SEC24D: variants seen among roughly 807,000 people sequenced by gnomAD.
SEC24D encodes the protein protein transport protein Sec24D.
SEC24D carries 69 observed loss-of-function variants against 116.9 expected under a neutral mutation model. That is an observed-to-expected ratio of 0.59 (90% CI 0.49 to 0.72). SEC24D has a LOEUF of 0.72. SEC24D is among the 30% of genes least tolerant of loss of function. The pLI, the probability that SEC24D is intolerant of heterozygous loss-of-function variation, is 0.00. For missense variants in SEC24D, 1,131 were observed against 1,264.1 expected (o/e 0.89, Z 1.60); for synonymous variants, 405 against 442.8 (o/e 0.91, Z 1.07).
At chr4:118,828,877 G>A (rs933309445) in intron 2 of SEC24D, among the ~76,000 whole-genome samples, 2 of 152,122 alleles carry the variant, frequency 1.3e-5, no homozygotes, top group Admixed American at 1.3e-4. Context: ...ATCTCTCACC[G>A]TTCCCATGCT....
chr4:118,772,387 T>C (rs1727942535), intron 8 of SEC24D, among the ~76,000 whole-genome samples: 1 of 152,334 alleles, frequency 6.6e-6, no homozygotes, highest in Middle Eastern at 3.4e-3. Context: ...AACTTGCTTT[T>C]CTCAAAGAAA....
At chr4:118,787,518 T>C (rs954661000) in intron 8 of SEC24D, among the ~76,000 whole-genome samples, 8 of 152,212 alleles carry the variant, frequency 5.3e-5, no homozygotes, top group African/African-American at 1.9e-4. Context: ...GTTCTTTTTA[T>C]TTTTAAAGTT....
chr4:118,780,906 G>GATTTTTTTTTTT (rs1728368824), intron 8 of SEC24D, among the ~76,000 whole-genome samples: 4 of 106,108 alleles, frequency 3.8e-5, no homozygotes, highest in Non-Finnish European at 5.8e-5. Context: ...TGCAACCCCT[G>GATTTTTTTTTTT]CTTTTTTTTT....
chr4:118,829,094 C>A (rs1316081608), intron 2 of SEC24D, among the ~76,000 whole-genome samples: 1 of 152,238 alleles, frequency 6.6e-6, no homozygotes, highest in African/African-American at 2.4e-5. Flanking sequence ...TACTTCCCCA[C>A]AAAATTGTCA....
chr4:118,728,127 T>G (rs114511419), intron 22 of SEC24D, among the ~76,000 whole-genome samples: 212 of 152,214 alleles, frequency 1.4e-3, no homozygotes, highest in African/African-American at 5.1e-3. Flanking sequence ...TTACTCAAAC[T>G]CAGAAAAGGC....
chr4:118,785,543 T>C (rs546212022), intron 8 of SEC24D, among the ~76,000 whole-genome samples: 1 of 152,220 alleles, frequency 6.6e-6, no homozygotes, highest in African/African-American at 2.4e-5. Flanking sequence ...AAGGACAGAA[T>C]AGTGTGAAGG....
intron 8 of SEC24D, among the ~76,000 whole-genome samples, chr4:118,782,712 G>A (rs1367250380): frequency 6.6e-6 from 1 of 152,256 alleles, no homozygotes; most frequent in African/African-American, 2.4e-5. Flanking sequence ...CAGAGGTGGA[G>A]TCAACAGAGG....
At chr4:118,822,925 T>C (rs545586847) in intron 3 of SEC24D, among the ~76,000 whole-genome samples, 7 of 152,250 alleles carry the variant, frequency 4.6e-5, no homozygotes, top group Middle Eastern at 3.4e-3. Flanking sequence ...GAGAATTCTA[T>C]ATTCTCATTT....
Position 118,815,728 on chromosome 4 carries a change from T to G in SEC24D, c.398-2A>C, listed in dbSNP as rs770063654. ...GGCTTGGAGGAGCCATGCCTGAACC[T>G]GTGTGAGAAAGGAGACCAGCCCACT... On this transcript the variant is annotated splice_acceptor_variant, in intron 4 of 22. Transcript: ENST00000280551. LOFTEE classifies it high-confidence loss of function. 1.7e-5 allele frequency: 27 copies of G among 1,613,134 alleles called. No individual in the cohort carries two copies. In the Admixed American group the frequency reaches 4.5e-4, roughly 27 times the overall value.
intron 8 of SEC24D, among the ~76,000 whole-genome samples, chr4:118,781,205 T>C (rs1728394928): frequency 1.3e-5 from 2 of 152,180 alleles, no homozygotes; most frequent in African/African-American, 4.8e-5. Flanking sequence ...CAATTTGGCA[T>C]GTTTTTGCAG....
chr4:118,815,186 T>G (rs1352974279), intron 5 of SEC24D, 31 bp from the exon 6 acceptor site: 2 of 1,612,290 alleles, frequency 1.2e-6, no homozygotes, highest in Admixed American at 3.3e-5. Context: ...GAGAAATGAC[T>G]ATCATCCCAA....
At chr4:118,792,171 C>G (rs1238548743) in intron 8 of SEC24D, among the ~76,000 whole-genome samples, 10 of 148,604 alleles carry the variant, frequency 6.7e-5, no homozygotes, top group African/African-American at 2.5e-4. Context: ...GTCTCTGCCC[C>G]GCCGCCACCC....
intron 2 of SEC24D, among the ~76,000 whole-genome samples, chr4:118,829,680 C>T (rs1418241335): frequency 6.6e-6 from 1 of 152,010 alleles, no homozygotes; most frequent in African/African-American, 2.4e-5. Flanking sequence ...GGTGTGGTGG[C>T]GCATGCCTGT....
intron 11 of SEC24D, 61 bp downstream of exon 11, chr4:118,757,660 T>G: frequency 6.6e-7 from 1 of 1,513,490 alleles, no homozygotes; most frequent in Admixed American, 2.1e-5. Flanking sequence ...ACTTATCTTC[T>G]GGCCAATAAA....
At chr4:118,806,960 C>A (rs2110515085) in intron 6 of SEC24D, among the ~76,000 whole-genome samples, 1 of 152,262 alleles carries the variant, frequency 6.6e-6, no homozygotes, top group African/African-American at 2.4e-5. Flanking sequence ...GCATTCCAGC[C>A]TGGGCAACAG....
At chr4:118,754,531 G>A (rs140175981) in intron 11 of SEC24D, among the ~76,000 whole-genome samples, 2 of 152,240 alleles carry the variant, frequency 1.3e-5, no homozygotes, top group African/African-American at 4.8e-5. Context: ...GCTAATAAAG[G>A]ACAGGACCCA....
intron 8 of SEC24D, 112 bp downstream of exon 8, chr4:118,797,571 A>C (rs1729234442): frequency 1.2e-6 from 1 of 830,098 alleles, no homozygotes; most frequent in Non-Finnish European, 1.7e-6. Context: ...GCATTATAAA[A>C]ATATATTCCA....
At chr4:118,792,130 C>T (rs1350110515) in intron 8 of SEC24D, among the ~76,000 whole-genome samples, 156 of 151,864 alleles carry the variant, frequency 1.0e-3, no homozygotes, top group African/African-American at 3.5e-3. Context: ...CGCCTCTGCC[C>T]GGCCGCGACC....
At chr4:118,749,579 G>A (rs78503223) in intron 13 of SEC24D, among the ~76,000 whole-genome samples, 1,529 of 152,230 alleles carry the variant, frequency 0.01, 24 homozygotes, top group African/African-American at 0.035. Flanking sequence ...TCTCATCTCT[G>A]GTCTTCCGGG....
Sources: allele counts gnomAD v4.1 joint callset (sites outside exome capture counted in the v4.1 genomes callset), GRCh38; gene constraint gnomAD v4.1.1; transcripts MANE v1.5; gene names NCBI Gene and HGNC (gene_info 2026-07-23, HGNC 2026-07-21).